Variants in PKHD1 observed in about 807,000 individuals in gnomAD.
PKHD1 encodes the protein PKHD1 ciliary IPT domain containing fibrocystin/polyductin.
Under a neutral mutation model 412.0 loss-of-function variants are expected in PKHD1, and 291 were observed. That is an observed-to-expected ratio of 0.71 (90% confidence interval 0.64 to 0.78). The LOEUF is 0.78. Among genes scored for constraint, PKHD1 ranks in the 30% least tolerant of loss-of-function variants. The pLI is 0.00. For missense variants in PKHD1, 4,825 were observed against 4,950.7 expected (o/e 0.97, Z 0.76); for synonymous variants, 1,777 against 1,821.5 (o/e 0.98, Z 0.62).
intron 51 of PKHD1, 131 bp downstream of exon 51, chr6:51,836,273 A>G (rs1029025088): frequency 5.5e-6 from 4 of 724,374 alleles, no homozygotes; most frequent in South Asian, 4.4e-5. Flanking sequence ...CACAATAGAG[A>G]GTTATCAGAC....
rs1208940193 is a variant in PKHD1, at chr6:51,753,317, C to T, written c.8834G>A (p.Arg2945His). ...VHVTEDGRHI[R>H]LAAEVGLLTR... The stretch of plus-strand genomic sequence containing the variant: ...CAACAGTCCAACCTCAGCAGCCAAA[C>T]GAATGTGTCGGCCATCCTCCGTGAC... The change falls in exon 57 of 67, where the codon CGT becomes CAT. Residue 2945 changes from arginine (R) to histidine (H), a missense_variant. Arg to His is a conservative substitution (Grantham distance 29, BLOSUM62 0). Transcript: ENST00000371117. The T allele has an allele frequency of 4.3e-6, 7 of 1,613,700 alleles. No homozygotes were observed. Among genetic ancestry groups the T allele is most frequent in the Non-Finnish European group, 4.2e-6 (5 of 1,179,740 alleles).
At chr6:51,717,205 A>T (rs1379628894) in intron 60 of PKHD1, among the ~76,000 whole-genome samples, 1 of 152,230 alleles carries the variant, frequency 6.6e-6, no homozygotes, top group African/African-American at 2.4e-5. Context: ...TGAGGTCAAG[A>T]GTTCGAGAAC....
At chr6:51,843,002 G>A (rs906908297) in intron 50 of PKHD1, among the ~76,000 whole-genome samples, 1 of 152,234 alleles carries the variant, frequency 6.6e-6, no homozygotes, top group Non-Finnish European at 1.5e-5. Context: ...TGAGCGTGGG[G>A]CCAAGCAGCT....
At chr6:51,744,771 T>C (rs1241495080) in intron 59 of PKHD1, among the ~76,000 whole-genome samples, 2 of 152,212 alleles carry the variant, frequency 1.3e-5, no homozygotes, top group African/African-American at 2.4e-5. Flanking sequence ...TCCTAATATG[T>C]AATCTTTATA....
At chr6:51,622,508 T>C (rs1766751880) in intron 66 of PKHD1, 1 of 152,218 alleles carries the variant, frequency 6.6e-6, no homozygotes, top group Non-Finnish European at 1.5e-5. Context: ...TTGTCAATAA[T>C]GGGCAATAGT....
chr6:51,909,526 C>A, intron 39 of PKHD1, 52 bp from the exon 40 acceptor site: 5 of 1,356,718 alleles, frequency 3.7e-6, no homozygotes, highest in Non-Finnish European at 5.3e-6. Flanking sequence ...AACATGCTTC[C>A]AGACAAATCT....
At chr6:52,079,360 A>C (rs1811732987) in intron 5 of PKHD1, among the ~76,000 whole-genome samples, 1 of 152,214 alleles carries the variant, frequency 6.6e-6, no homozygotes, top group African/African-American at 2.4e-5. Flanking sequence ...GGAAAGACTT[A>C]GCAGAAATAT....
intron 63 of PKHD1, 146 bp downstream of exon 63, chr6:51,647,885 G>T: frequency 1.5e-6 from 1 of 669,108 alleles, no homozygotes; most frequent in South Asian, 1.6e-5. Context: ...CACTGACACT[G>T]TAGATTAGGG....
Position 51,618,607 on chromosome 6 carries a change from C to T in PKHD1, c.*474G>A, listed in dbSNP as rs1766251867. On this transcript the variant is annotated 3_prime_UTR_variant, in exon 67 of 67. Transcript: ENST00000371117. ...ACAGATCAGGGAGCAGGGTGTTGAA[C>T]TGTCCCTTCAAATGCTACTACAGGA... is the stretch of plus-strand genomic sequence containing the variant. 1 of 230,890 alleles carries T rather than the reference C, an allele frequency of 4.3e-6. No individual in the cohort carries two copies. The highest frequency in any genetic ancestry group is 2.3e-5 in the African/African-American group (1 of 43,390). 14.3% of individuals were successfully genotyped at this position (230,890 alleles called of 1,614,324 possible). A position where few individuals can be genotyped will look rare whatever the true frequency, so the allele number is the denominator to read the frequency against.
chr6:51,803,446 G>C lies in PKHD1; in HGVS notation c.8303-12073C>G, dbSNP rs375649815. ...CTGGATTCTACAACCTCTATCAAAA[G>C]TCCCAATACTCTAAAATATCCTTGC... On this transcript the variant is annotated intron_variant, in intron 52 of 66. Transcript: ENST00000371117. Among the ~76,000 whole-genome samples the C allele has an allele frequency of 3.2e-4, 49 of 152,166 alleles. No homozygotes were observed. The East Asian group carries it at 8.9e-3, about 28-fold the overall frequency.
chr6:51,912,149 T>C (rs1472048065), intron 38 of PKHD1, among the ~76,000 whole-genome samples, 193 bp from the exon 39 acceptor site: 3 of 152,120 alleles, frequency 2.0e-5, no homozygotes, highest in Non-Finnish European at 2.9e-5. Context: ...CCCCAAACAT[T>C]TGTGTAAGAC....
At chr6:51,718,475 C>T (rs1781521474) in intron 60 of PKHD1, among the ~76,000 whole-genome samples, 1 of 152,174 alleles carries the variant, frequency 6.6e-6, no homozygotes, top group Non-Finnish European at 1.5e-5. Flanking sequence ...TGTGAGTTGT[C>T]ACTATTGCGT....
At position 51,960,086 on chromosome 6, in the gene PKHD1, G is replaced by A. The variant is rs148074621; in HGVS notation, c.5752-60C>T. On this transcript the variant is annotated intron_variant, in intron 35 of 66. Transcript: ENST00000371117. ...GGTTGGTTGGCTGGTCTGTTGCTTC[G>A]TTGGTTGGTTCGCTGGTTTGTTGGT... 568 of 1,545,504 alleles carry A rather than the reference G, an allele frequency of 3.7e-4. 1 individual carries two copies. The highest frequency in any genetic ancestry group is 4.9e-4 in the Non-Finnish European group (546 of 1,119,518).
At chr6:51,967,877 C>T (rs1251395084) in intron 35 of PKHD1, among the ~76,000 whole-genome samples, 2 of 152,174 alleles carry the variant, frequency 1.3e-5, no homozygotes, top group Non-Finnish European at 2.9e-5. Flanking sequence ...TGGACTACAA[C>T]ATGTTATTTC....
chr6:51,784,072 G>T (rs1465757325), intron 53 of PKHD1, among the ~76,000 whole-genome samples: 1 of 152,054 alleles, frequency 6.6e-6, no homozygotes, highest in African/African-American at 2.4e-5. Flanking sequence ...TAGGTACTAG[G>T]GTTATAAAAT....
intron 57 of PKHD1, among the ~76,000 whole-genome samples, chr6:51,752,693 G>A (rs141453534): frequency 1.7e-3 from 265 of 152,256 alleles, no homozygotes; most frequent in African/African-American, 5.3e-3. Flanking sequence ...TTTAAGAAAC[G>A]AGGTCCTAAT....
At chr6:51,773,000 G>C (rs1247823475) in intron 54 of PKHD1, among the ~76,000 whole-genome samples, 1 of 151,902 alleles carries the variant, frequency 6.6e-6, no homozygotes, top group Non-Finnish European at 1.5e-5. Context: ...TCTCTCAAAT[G>C]CTATAGAAAA....
At chr6:51,775,350 T>C (rs1790838468) in intron 54 of PKHD1, among the ~76,000 whole-genome samples, 1 of 151,842 alleles carries the variant, frequency 6.6e-6, no homozygotes, top group African/African-American at 2.4e-5. Flanking sequence ...ACAAGGCCAG[T>C]CCCCGTTTCT....
At chr6:51,824,351 T>C (rs1318188306) in intron 52 of PKHD1, among the ~76,000 whole-genome samples, 1 of 152,126 alleles carries the variant, frequency 6.6e-6, no homozygotes, top group African/African-American at 2.4e-5. Context: ...TGATTTGATA[T>C]ATGAAAAGTT....
Sources: gnomAD v4.1 joint callset for allele counts (sites outside exome capture counted in the v4.1 genomes callset) on GRCh38, gnomAD v4.1.1 for gene constraint, MANE v1.5 for transcripts, NCBI Gene and HGNC (gene_info 2026-07-23, HGNC 2026-07-21) for gene names.